The following MMP13 variants were observed in gnomAD, a reference collection of about 807,000 sequenced individuals.
MMP13 encodes matrix metallopeptidase 13, also known as collagenase 3.
Under a neutral mutation model 52.1 loss-of-function variants are expected in MMP13, and 45 were observed. The observed-to-expected ratio is 0.86, with a 90% CI of 0.68 to 1.11. MMP13 has a LOEUF of 1.11. Among genes scored for constraint, MMP13 ranks in the 50% least tolerant of loss-of-function variants. The pLI, the probability that MMP13 is intolerant of heterozygous loss-of-function variation, is 0.00. For missense variants in MMP13, 576 were observed against 583.8 expected (o/e 0.99, Z 0.14); for synonymous variants, 200 against 204.4 (o/e 0.98, Z 0.18).
intron 8 of MMP13, 57 bp downstream of exon 8, chr11:102,947,834 T>C (rs1216142960): frequency 2.5e-6 from 4 of 1,573,292 alleles, no homozygotes; most frequent in Non-Finnish European, 2.6e-6. Flanking sequence ...TAGTGACAGA[T>C]GTTTGAGGCA....
Position 102,945,107 on chromosome 11 carries a change from G to A in MMP13, c.1315+539C>T, listed in dbSNP as rs781848083. 19 of 341,922 alleles carry A rather than the reference G, an allele frequency of 5.6e-5. No individual in the cohort carries two copies. The Admixed American group carries it at 5.6e-4, about 10-fold the overall frequency. The allele number at this position is 341,922 out of a possible 1,614,324, so 21.2% of individuals were successfully genotyped here. On this transcript the variant is annotated intron_variant, in intron 9 of 9. Transcript: ENST00000260302. The stretch of plus-strand genomic sequence containing the variant: ...AAAAATGCAAAAATCAGCCAGGCAT[G>A]GTGGCAGGCACCTGTAATCCCAGCT...
Position 102,945,634 on chromosome 11 carries a change from G to A in MMP13, c.1315+12C>T, listed in dbSNP as rs781936267. 6 of 1,495,130 alleles carry A rather than the reference G, an allele frequency of 4.0e-6. No individual in the cohort carries two copies. Among genetic ancestry groups the A allele is most frequent in the Non-Finnish European group, 5.6e-6 (6 of 1,073,126 alleles). 92.6% of individuals were successfully genotyped at this position (1,495,130 alleles called of 1,614,324 possible). A position where few individuals can be genotyped will look rare whatever the true frequency, so the allele number is the denominator to read the frequency against. On this transcript the variant is annotated intron_variant, in intron 9 of 9. Coordinates refer to ENST00000260302, the MANE Select transcript of MMP13 (RefSeq NM_002427.4). ...AGCTCCTCTTTAAAGTCAGTGCAAT[G>A]TAACTACTTACCATTTTTCTCATAG...
At position 102,943,968 on chromosome 11, in the gene MMP13, C is replaced by T; in HGVS notation, c.*298G>A. The T allele has an allele frequency of 2.8e-6, 1 of 351,910 alleles. No homozygotes were observed. Among genetic ancestry groups the T allele is most frequent in the Non-Finnish European group, 5.5e-6 (1 of 182,040 alleles). The allele number at this position is 351,910 out of a possible 1,614,324, so 21.8% of individuals were successfully genotyped here. A position where few individuals can be genotyped will look rare whatever the true frequency, so the allele number is the denominator to read the frequency against. On this transcript the variant is annotated 3_prime_UTR_variant, in exon 10 of 10. Coordinates refer to ENST00000260302, the MANE Select transcript of MMP13 (RefSeq NM_002427.4). ...TATAAATATATTTTTAAATTATGCT[C>T]TCATTGACAGACCATGTGTCCCATT...
At position 102,952,690 on chromosome 11, in the gene MMP13, C is replaced by T. The variant is rs961836142; in HGVS notation, c.638-517G>A. 7.2e-5 allele frequency among the ~76,000 whole-genome samples: 11 copies of T among 151,980 alleles called. No homozygotes were observed. The highest frequency in any genetic ancestry group is 5.9e-4 in the Admixed American group (9 of 15,262). On this transcript the variant is annotated intron_variant, in intron 4 of 9. Transcript: ENST00000260302. The surrounding 1 kb of genome is among the most constrained non-coding windows in gnomAD (Gnocchi z 4.3). ...TTTACTCTTGGGAGCAAATTCCAACCAAATGATTTTTTCCAGAATGTCTCT... is the reference window on the plus strand; with the variant it reads ...TTTACTCTTGGGAGCAAATTCCAACTAAATGATTTTTTCCAGAATGTCTCT...
chr11:102,949,119 C>T lies in MMP13; in HGVS notation c.957G>A (p.Glu319=), dbSNP rs782718133. 1 of 1,613,778 alleles carries T rather than the reference C, an allele frequency of 6.2e-7. No individual in the cohort carries two copies. Residue 319 remains glutamate (E), a synonymous_variant, in exon 7 of 10, where the codon GAG becomes GAA. Transcript: ENST00000260302. This position sits in a 1 kb window ranked among gnomAD's most constrained non-coding sequence, Gnocchi z 4.2. ...GCCAAAATGATTTCGTTAAAAACAG[C>T]TCCGCATCAACCTGCTGAGGATGCA... The part of the protein sequence containing the change: ...WRLHPQQVDA[E]LFLTKSFWPE...
rs541711095 is a variant in MMP13, at chr11:102,944,076, C to T, written c.*190G>A. The T allele has an allele frequency of 2.7e-4, 154 of 580,268 alleles. 4 individuals are homozygous for T. The highest frequency in any genetic ancestry group is 2.3e-3 in the South Asian group (146 of 63,594). The allele number at this position is 580,268 out of a possible 1,614,324, so 35.9% of individuals were successfully genotyped here. ...TCTTTAGAGATCCTCCATTTCATTA[C>T]TCTAACATTCTTCAATGTGGTTCCA... On this transcript the variant is annotated 3_prime_UTR_variant, in exon 10 of 10. Coordinates refer to ENST00000260302, the MANE Select transcript of MMP13 (RefSeq NM_002427.4).
chr11:102,954,740 C>T (rs903251908), intron 2 of MMP13, 134 bp from the exon 3 acceptor site: 46 of 890,328 alleles, frequency 5.2e-5, no homozygotes, highest in Admixed American at 1.1e-4. Context: ...TTTATTGTTT[C>T]AAATAATGTA....
intron 2 of MMP13, among the ~76,000 whole-genome samples, 188 bp from the exon 3 acceptor site, chr11:102,954,794 C>T (rs1376954016): frequency 6.6e-6 from 1 of 152,028 alleles, no homozygotes; most frequent in Admixed American, 6.6e-5. Flanking sequence ...AAAATTCAGC[C>T]ACATTTGAGT....
Position 102,949,986 on chromosome 11 carries a change from C to A in MMP13, c.917+124G>T. On this transcript the variant is annotated intron_variant, in intron 6 of 9. Transcript: ENST00000260302. The surrounding 1 kb of genome is among the most constrained non-coding windows in gnomAD (Gnocchi z 4.2). ...ATTTGATCTGAAATATGTAAATAAA[C>A]TGCCTGCCCATTTTTACTGCTAACT... 1 of 800,198 alleles carries A rather than the reference C, an allele frequency of 1.2e-6. No individual in the cohort carries two copies. The highest frequency in any genetic ancestry group is 2.3e-6 in the Non-Finnish European group (1 of 442,390). The allele number at this position is 800,198 out of a possible 1,614,324, so 49.6% of individuals were successfully genotyped here.
In MMP13 at chr11:102,950,224, G is replaced by T. The variant is rs368628653; in HGVS notation, c.803C>A (p.Pro268Gln). Residue 268 changes from proline to glutamine, a missense_variant, in exon 6 of 10, where the codon CCA (proline) becomes CAA (glutamine). By Grantham distance (76) the Pro-to-Gln change is moderately conservative. Coordinates refer to ENST00000260302, the MANE Select transcript of MMP13 (RefSeq NM_002427.4). ...DVQGIQSLYGPGDEDPNPKHP... is the reference protein window; with the variant it reads ...DVQGIQSLYGQGDEDPNPKHP... ...TTTAGGGTTGGGGTCTTCATCTCCT[G>T]GACCTGTAGTCGTGAAAGGCAAGAG... 4.8e-5 allele frequency: 77 copies of T among 1,610,458 alleles called. No individual in the cohort carries two copies. The highest frequency in any genetic ancestry group is 1.5e-4 in the Admixed American group (9 of 59,980).
At position 102,954,569 on chromosome 11, in the gene MMP13, C is replaced by A; in HGVS notation, c.400G>T (p.Val134Phe). 1 of 1,613,638 alleles carries A rather than the reference C, an allele frequency of 6.2e-7. No individual in the cohort carries two copies. Among genetic ancestry groups the A allele is most frequent in the African/African-American group, 1.3e-5 (1 of 74,994 alleles). The change falls in exon 3 of 10, where the codon GTC becomes TTC. Residue 134 changes from valine to phenylalanine, a missense_variant. By Grantham distance (50) the Val-to-Phe change is conservative. Coordinates refer to ENST00000260302, the MANE Select transcript of MMP13 (RefSeq NM_002427.4). ...AAGGCTTTTTTGAATGCCTTTTCGA[C>A]TTCAGAATGAGTCATATCAGGGGTG... ...NYTPDMTHSE[V>F]EKAFKKAFKV...
Position 102,945,241 on chromosome 11 carries a change from C to CAA in MMP13, c.1315+403_1315+404dup, listed in dbSNP as rs61571704. ...CCTGGGTGACAGAGTGAGACTCTGT[C>CAA]AAAAAAAAAAAAAAAGGTTGAGAAC... On this transcript the variant is annotated intron_variant, in intron 9 of 9. Coordinates refer to ENST00000260302, the MANE Select transcript of MMP13 (RefSeq NM_002427.4). 6.2e-4 allele frequency: 388 copies of CAA among 623,656 alleles called. 2 individuals are homozygous for CAA. The highest frequency in any genetic ancestry group is 4.6e-3 in the African/African-American group (205 of 44,320). 38.6% of individuals were successfully genotyped at this position (623,656 alleles called of 1,614,324 possible).
intron 9 of MMP13, 133 bp from the exon 10 acceptor site, chr11:102,944,499 T>C (rs931545593): frequency 8.2e-6 from 5 of 613,170 alleles, no homozygotes; most frequent in Non-Finnish European, 1.4e-5. Flanking sequence ...ACTCTATTAG[T>C]TCTTTAATAG....
Position 102,955,330 on chromosome 11 carries a change from C to A in MMP13, c.284G>T (p.Arg95Ile). 1 of 1,614,018 alleles carries A rather than the reference C, an allele frequency of 6.2e-7. No individual in the cohort carries two copies. The highest frequency in any genetic ancestry group is 1.1e-5 in the South Asian group (1 of 91,078). Residue 95 changes from arginine (R) to isoleucine (I), a missense_variant, in exon 2 of 10, where the codon AGA becomes ATA. Arg to Ile is a moderately conservative substitution (Grantham distance 97). Transcript: ENST00000260302. The surrounding 1 kb of genome is among the most constrained non-coding windows in gnomAD (Gnocchi z 4.9). ...DNTLDVMKKP[R>I]CGVPDVGEYN... Reference sequence around the variant, plus strand: ...TTCACCCACATCAGGAACCCCGCATCTTGGCTTTTTCATGACATCTAAGGT... The same window carrying A: ...TTCACCCACATCAGGAACCCCGCATATTGGCTTTTTCATGACATCTAAGGT...
At position 102,952,574 on chromosome 11, in the gene MMP13, T is replaced by C. The variant is rs1192063575; in HGVS notation, c.638-401A>G. ...GAAATCACATAGGGTGGTACCTAGC[T>C]AGGGTGCTGCCCAGAACATCCTCCA... On this transcript the variant is annotated intron_variant, in intron 4 of 9. Transcript: ENST00000260302. This position sits in a 1 kb window ranked among gnomAD's most constrained non-coding sequence, Gnocchi z 4.3. 1.3e-5 allele frequency among the ~76,000 whole-genome samples: 2 copies of C among 152,142 alleles called. No homozygotes were observed. The highest frequency in any genetic ancestry group is 2.9e-5 in the Non-Finnish European group (2 of 68,018).
rs1565252848 is a variant in MMP13 at position 102,945,579 on chromosome 11, G to T, written c.1315+67C>A. On this transcript the variant is annotated intron_variant, in intron 9 of 9. Transcript: ENST00000260302. ...TCTAGGTCCTATATAAAAATGCTTT[G>T]TACAGAAAAGAGTTTTGAGGGGCTA... 6 of 984,306 alleles carry T rather than the reference G, an allele frequency of 6.1e-6. No homozygotes were observed. In the East Asian group the frequency reaches 7.2e-5, roughly 12 times the overall value. 61.0% of individuals were successfully genotyped at this position (984,306 alleles called of 1,614,324 possible). A position where few individuals can be genotyped will look rare whatever the true frequency, so the allele number is the denominator to read the frequency against.
Position 102,949,540 on chromosome 11 carries a change from A to G in MMP13, c.918-382T>C, listed in dbSNP as rs1031141014. Among the ~76,000 whole-genome samples, 16 of 152,264 alleles carry G rather than the reference A, an allele frequency of 1.1e-4. No individual in the cohort carries two copies. Among genetic ancestry groups the G allele is most frequent in the African/African-American group, 3.6e-4 (15 of 41,554 alleles). ...GGTCTCATGGCCTGGGAAAACATACATGAGAAACACCCCCCGCCCCACGAG... is the reference window on the plus strand; with the variant it reads ...GGTCTCATGGCCTGGGAAAACATACGTGAGAAACACCCCCCGCCCCACGAG... On this transcript the variant is annotated intron_variant, in intron 6 of 9. Coordinates refer to ENST00000260302, the MANE Select transcript of MMP13 (RefSeq NM_002427.4). This position sits in a 1 kb window ranked among gnomAD's most constrained non-coding sequence, Gnocchi z 4.2.
At chr11:102,948,918 A>G in intron 7 of MMP13, 107 bp downstream of exon 7, 2 of 1,457,734 alleles carry the variant, frequency 1.4e-6, no homozygotes, top group Non-Finnish European at 1.9e-6. Flanking sequence ...TTGGTCTTTA[A>G]TTTAGGTATA....
intron 2 of MMP13, 60 bp from the exon 3 acceptor site, chr11:102,954,666 A>C: frequency 6.7e-7 from 1 of 1,488,310 alleles, no homozygotes; most frequent in Non-Finnish European, 9.4e-7. Context: ...TTTAGAATAC[A>C]TTTTCTTGGT....
Sources: allele counts gnomAD v4.1 joint callset (sites outside exome capture counted in the v4.1 genomes callset), GRCh38; gene constraint gnomAD v4.1.1; non-coding constraint Gnocchi (gnomAD v3.1); transcripts MANE v1.5; gene names NCBI Gene and HGNC (gene_info 2026-07-23, HGNC 2026-07-21).